The following SFSWAP variants were observed in gnomAD, a reference collection of about 807,000 sequenced individuals.
SFSWAP encodes splicing factor SWAP, also known as splicing factor, suppressor of white-apricot homolog.
SFSWAP carries 17 observed loss-of-function variants against 100.7 expected under a neutral mutation model. The observed-to-expected ratio is 0.17, with a 90% confidence interval of 0.12 to 0.25. The LOEUF is 0.25. Among genes scored for constraint, SFSWAP ranks in the 10% least tolerant of loss-of-function variants. SFSWAP has a pLI of 1.00. For synonymous variants in SFSWAP, 504 were observed against 510.1 expected, an observed-to-expected ratio of 0.99 and a Z score of 0.16; for missense variants, 1,005 against 1,262.6, an observed-to-expected ratio of 0.80 and a Z score of 3.09.
chr12:131,785,016 A>G, intron 14 of SFSWAP: 1 of 1,395,108 alleles, frequency 7.2e-7, no homozygotes, highest in Non-Finnish European at 9.5e-7. Context: ...GAGTTCTGGT[A>G]GCGCCCAGCC....
intron 14 of SFSWAP, chr12:131,783,998 G>A (rs1230797442): frequency 2.6e-5 from 4 of 151,420 alleles, no homozygotes; most frequent in African/African-American, 4.8e-5. Flanking sequence ...ACAATAAATT[G>A]CATAGCAAAT....
chr12:131,773,791 G>T (rs1279193331), intron 13 of SFSWAP, among the ~76,000 whole-genome samples: 2 of 152,236 alleles, frequency 1.3e-5, no homozygotes, highest in African/African-American at 4.8e-5. Context: ...TTAGAAGCTT[G>T]CTTGTTAACC....
intron 3 of SFSWAP, among the ~76,000 whole-genome samples, chr12:131,717,823 C>T (rs994330702): frequency 3.3e-5 from 5 of 152,186 alleles, no homozygotes; most frequent in East Asian, 3.9e-4. Context: ...CTCCACCTCC[C>T]GGGTTCAAGC....
chr12:131,745,569 T>C (rs959836271), intron 7 of SFSWAP, among the ~76,000 whole-genome samples: 4 of 152,222 alleles, frequency 2.6e-5, no homozygotes, highest in African/African-American at 9.6e-5. Context: ...TGTCAGTGCC[T>C]GACATTTACA....
Position 131,728,443 on chromosome 12 carries a change from T to C in SFSWAP, c.1081+15T>C. The stretch of plus-strand genomic sequence containing the variant: ...CACGGCAGACTGTGAGTACTCACTG[T>C]GTATGTCCTGACCTGTGTTCAGCTG... On this transcript the variant is annotated intron_variant, in intron 7 of 17. Coordinates refer to ENST00000261674, the MANE Select transcript of SFSWAP (RefSeq NM_004592.4). 1.9e-6 allele frequency: 3 copies of C among 1,612,984 alleles called. No homozygotes were observed. The highest frequency in any genetic ancestry group is 2.5e-6 in the Non-Finnish European group (3 of 1,179,174).
intron 7 of SFSWAP, among the ~76,000 whole-genome samples, chr12:131,738,480 A>G (rs1880255461): frequency 6.6e-6 from 1 of 152,248 alleles, no homozygotes; most frequent in South Asian, 2.1e-4. Flanking sequence ...CTCTAGAAAT[A>G]CTTACGTTAA....
chr12:131,757,346 C>G (rs1216061484), intron 11 of SFSWAP: 1 of 152,496 alleles, frequency 6.6e-6, no homozygotes, highest in African/African-American at 2.4e-5. Context: ...GGTAGGTGGT[C>G]AGCAGTGACT....
rs368758602 is a variant in SFSWAP, at chr12:131,786,413, G to A, written c.2409-50G>A. 60 of 1,542,838 alleles carry A rather than the reference G, an allele frequency of 3.9e-5. No homozygotes were observed. The African/African-American group carries it at 4.9e-4, about 13-fold the overall frequency. ...GCCAGGGCAGTAGGAAGCATGACAC[G>A]TCCCGCCAGCCAGGCCACAGAGCTG... On this transcript the variant is annotated intron_variant, in intron 14 of 17. Transcript: ENST00000261674.
chr12:131,721,876 T>C (rs1248823680), intron 4 of SFSWAP, among the ~76,000 whole-genome samples: 3 of 152,230 alleles, frequency 2.0e-5, no homozygotes, highest in Admixed American at 6.5e-5. Flanking sequence ...GAGTGCTTGA[T>C]TGAGTCTCTC....
intron 6 of SFSWAP, 42 bp downstream of exon 6, chr12:131,727,094 A>G (rs370395759): frequency 2.5e-6 from 3 of 1,191,688 alleles, no homozygotes; most frequent in Non-Finnish European, 3.7e-6. Context: ...TGCCACCACA[A>G]AACTTCTGCT....
At chr12:131,748,594 A>G (rs1157996415) in intron 7 of SFSWAP, among the ~76,000 whole-genome samples, 1 of 152,210 alleles carries the variant, frequency 6.6e-6, no homozygotes, top group East Asian at 1.9e-4. Flanking sequence ...TTCACACGAG[A>G]TTAAGATCAT....
At chr12:131,741,446 G>A (rs999816695) in intron 7 of SFSWAP, among the ~76,000 whole-genome samples, 4 of 151,960 alleles carry the variant, frequency 2.6e-5, no homozygotes, top group Non-Finnish European at 4.4e-5. Flanking sequence ...GACCAGGCTG[G>A]GCAACATAGT....
chr12:131,774,283 T>C (rs1029283385), intron 13 of SFSWAP, among the ~76,000 whole-genome samples: 5 of 152,212 alleles, frequency 3.3e-5, no homozygotes, highest in Non-Finnish European at 7.3e-5. Context: ...ATAAGATTTC[T>C]TTTATTTTCA....
Position 131,778,807 on chromosome 12 carries a change from C to A in SFSWAP, c.2408+477C>A, listed in dbSNP as rs116584002. On this transcript the variant is annotated intron_variant, in intron 14 of 17. Transcript: ENST00000261674. This position sits in a 1 kb window ranked among gnomAD's most constrained non-coding sequence, Gnocchi z 4.2. Reference sequence around the variant, plus strand: ...TGCTGGGATTACAGGCCTAAGCCACCGCGCAGGCCTATACTTAACTTTTCA... The same window carrying A: ...TGCTGGGATTACAGGCCTAAGCCACAGCGCAGGCCTATACTTAACTTTTCA... Among the ~76,000 whole-genome samples, 1,018 of 152,216 alleles carry A rather than the reference C, an allele frequency of 6.7e-3. 14 individuals carry two copies. Among genetic ancestry groups the A allele is most frequent in the African/African-American group, 0.023 (970 of 41,548 alleles).
chr12:131,752,105 G>A (rs1313843045), intron 7 of SFSWAP, among the ~76,000 whole-genome samples: 4 of 152,184 alleles, frequency 2.6e-5, no homozygotes, highest in Non-Finnish European at 5.9e-5. Flanking sequence ...GGTCAAGATA[G>A]TCTAAGTTGT....
chr12:131,717,161 T>C (rs1214448464), intron 3 of SFSWAP, among the ~76,000 whole-genome samples: 1 of 152,146 alleles, frequency 6.6e-6, no homozygotes, highest in Admixed American at 6.5e-5. Context: ...AACAGCCCCA[T>C]TGAGCGTCAC....
intron 3 of SFSWAP, among the ~76,000 whole-genome samples, chr12:131,719,195 T>C (rs571923726): frequency 5.3e-5 from 8 of 152,248 alleles, no homozygotes; most frequent in African/African-American, 1.9e-4. Context: ...ACCAAGGGAA[T>C]ACCGTGCAGT....
Position 131,711,486 on chromosome 12 carries a change from T to A in SFSWAP, c.218+39T>A. The A allele has an allele frequency of 1.3e-6, 2 of 1,520,584 alleles. No individual in the cohort carries two copies. Among genetic ancestry groups the A allele is most frequent in the Non-Finnish European group, 9.1e-7 (1 of 1,098,984 alleles). 94.2% of individuals were successfully genotyped at this position (1,520,584 alleles called of 1,614,324 possible). A position where few individuals can be genotyped will look rare whatever the true frequency, so the allele number is the denominator to read the frequency against. ...CCCACCCGTCGATCCTTCCCTTCCC[T>A]CACCCGCTTGATCTCGTCTGATGTT... On this transcript the variant is annotated intron_variant, in intron 1 of 17. Coordinates refer to ENST00000261674, the MANE Select transcript of SFSWAP (RefSeq NM_004592.4). This position sits in a 1 kb window ranked among gnomAD's most constrained non-coding sequence, Gnocchi z 4.9.
Position 131,725,277 on chromosome 12 carries a change from C to G in SFSWAP, c.607-128C>G. 1.3e-6 allele frequency: 1 copy of G among 799,370 alleles called. No individual in the cohort carries two copies. Among genetic ancestry groups the G allele is most frequent in the Non-Finnish European group, 2.1e-6 (1 of 485,858 alleles). 49.5% of individuals were successfully genotyped at this position (799,370 alleles called of 1,614,324 possible). ...AGGAGTCCGAACAGCCTGGGCTCTT[C>G]CAGCTTAAAGTCTCGTATCTCTTAA... On this transcript the variant is annotated intron_variant, in intron 4 of 17. Transcript: ENST00000261674. This position sits in a 1 kb window ranked among gnomAD's most constrained non-coding sequence, Gnocchi z 4.3.
Sources: gnomAD v4.1 joint callset for allele counts (sites outside exome capture counted in the v4.1 genomes callset) on GRCh38, gnomAD v4.1.1 for gene constraint, Gnocchi (gnomAD v3.1) non-coding constraint, MANE v1.5 for transcripts, NCBI Gene and HGNC (gene_info 2026-07-23, HGNC 2026-07-21) for gene names.